PRAG1: variants seen among roughly 807,000 people sequenced by gnomAD.
The protein encoded by PRAG1 is inactive tyrosine-protein kinase PRAG1.
A neutral mutation model predicts 95.6 loss-of-function variants in PRAG1; 110 were observed. The ratio of observed to expected loss-of-function variants is 1.15; its 90% CI spans 0.99 to 1.35. PRAG1 has a LOEUF of 1.35. Ranked by LOEUF, PRAG1 falls within the 40% of genes most tolerant of loss-of-function variation. The pLI is 0.00. For missense variants in PRAG1, 2,554 were observed against 1,864.7 expected, an observed-to-expected ratio of 1.37 and a Z score of -6.81; for synonymous variants, 1,052 against 819.4, an observed-to-expected ratio of 1.28 and a Z score of -4.85.
At position 8,318,865 on chromosome 8, in the gene PRAG1, CGGGGCGGGGGCG is replaced by C. The variant is rs143409664; in HGVS notation, c.3498_3509del (p.Pro1172_Ala1175del). 7.2e-5 allele frequency: 72 copies of C among 998,968 alleles called. No homozygotes were observed. The highest frequency in any genetic ancestry group is 8.8e-5 in the Non-Finnish European group (69 of 780,910). 61.9% of individuals were successfully genotyped at this position (998,968 alleles called of 1,614,324 possible). A position where few individuals can be genotyped will look rare whatever the true frequency, so the allele number is the denominator to read the frequency against. On this transcript the variant is annotated inframe_deletion, in exon 6 of 6. Transcript: ENST00000615670. This position sits in a 1 kb window ranked among gnomAD's most constrained non-coding sequence, Gnocchi z 4.2. ...GCGCGGCGGCGGCGGGGGCGGGAGC[CGGGGCGGGGGCG>C]GGGGCGGGCCCGGGGCCGGCCTGGA...
rs1050317443 is a variant in PRAG1 at position 8,327,961 on chromosome 8, G to A, written c.2821C>T (p.Leu941Phe). Residue 941 changes from leucine (L) to phenylalanine (F), a missense_variant, in exon 5 of 6, where the codon CTC becomes TTC. Physicochemically the swap from Leu to Phe is conservative, Grantham distance 22. Transcript: ENST00000615670. ...TCCTTGCTGCTGATGTTGCTCAGGAGACCGTGCAGCTGAAGCTGGGTGCTC... is the reference window on the plus strand; with the variant it reads ...TCCTTGCTGCTGATGTTGCTCAGGAAACCGTGCAGCTGAAGCTGGGTGCTC... ...TGSTQLQLHGLLSNISSKEGT... is the reference protein window; with the variant it reads ...TGSTQLQLHGFLSNISSKEGT... 6 of 1,609,100 alleles carry A rather than the reference G, an allele frequency of 3.7e-6. No individual in the cohort carries two copies. The highest frequency in any genetic ancestry group is 5.1e-6 in the Non-Finnish European group (6 of 1,176,874).
intron 4 of PRAG1, among the ~76,000 whole-genome samples, chr8:8,331,656 C>A (rs1453074544): frequency 2.6e-5 from 4 of 152,166 alleles, no homozygotes; most frequent in African/African-American, 9.7e-5. Context: ...GCAACATAAT[C>A]GGTAACACTT....
At chr8:8,352,441 CATA>C (rs1053984568) in intron 3 of PRAG1, among the ~76,000 whole-genome samples, 14 of 152,204 alleles carry the variant, frequency 9.2e-5, no homozygotes, top group African/African-American at 2.9e-4. Context: ...ACAGTTAATT[CATA>C]CTACCTCTCA....
At chr8:8,363,502 G>C (rs1019523966) in intron 3 of PRAG1, among the ~76,000 whole-genome samples, 7 of 152,226 alleles carry the variant, frequency 4.6e-5, no homozygotes, top group Non-Finnish European at 8.8e-5. Flanking sequence ...ATTTATATGA[G>C]GTACCTAGAG....
At chr8:8,355,428 G>A (rs555280642) in intron 3 of PRAG1, among the ~76,000 whole-genome samples, 2 of 152,034 alleles carry the variant, frequency 1.3e-5, no homozygotes, top group East Asian at 3.9e-4. Flanking sequence ...AAATTCATAT[G>A]GAATGACAAA....
chr8:8,353,174 T>C (rs969117958), intron 3 of PRAG1, among the ~76,000 whole-genome samples: 1 of 152,092 alleles, frequency 6.6e-6, no homozygotes, highest in Non-Finnish European at 1.5e-5. Context: ...AGACAGAAAA[T>C]TAATAAATAC....
chr8:8,339,743 G>T, intron 3 of PRAG1, 108 bp from the exon 4 acceptor site: 2 of 1,092,446 alleles, frequency 1.8e-6, no homozygotes, highest in Non-Finnish European at 2.6e-6. Context: ...GCCAATGTCA[G>T]CAAGTTTATT....
chr8:8,352,243 G>A (rs185470952), intron 3 of PRAG1, among the ~76,000 whole-genome samples: 1 of 152,206 alleles, frequency 6.6e-6, no homozygotes, highest in East Asian at 1.9e-4. Flanking sequence ...CACCATCACA[G>A]GTTCTCTCCA....
chr8:8,346,553 T>C (rs1799348674), intron 3 of PRAG1, among the ~76,000 whole-genome samples: 2 of 152,146 alleles, frequency 1.3e-5, no homozygotes, highest in Admixed American at 1.3e-4. Context: ...CTCCATACTA[T>C]GTTGGTGGAA....
chr8:8,349,743 G>A (rs1317867904), intron 3 of PRAG1, among the ~76,000 whole-genome samples: 1 of 152,126 alleles, frequency 6.6e-6, no homozygotes, highest in African/African-American at 2.4e-5. Flanking sequence ...TAGGAAATCA[G>A]TTTCATCTTT....
intron 3 of PRAG1, among the ~76,000 whole-genome samples, chr8:8,349,954 CACACACATACCACACAA>C (rs1799466789): frequency 6.6e-6 from 1 of 151,294 alleles, no homozygotes; most frequent in Non-Finnish European, 1.5e-5. Context: ...CACACACACA[CACACACATACCACACAA>C]ACACACATAC....
chr8:8,372,064 C>A (rs895944969), intron 3 of PRAG1, among the ~76,000 whole-genome samples: 1 of 152,242 alleles, frequency 6.6e-6, no homozygotes, highest in Admixed American at 6.5e-5. Context: ...AAACGCTTAT[C>A]TGCACTAACC....
intron 5 of PRAG1, among the ~76,000 whole-genome samples, chr8:8,321,507 G>C (rs895028778): frequency 9.2e-5 from 14 of 152,194 alleles, no homozygotes; most frequent in African/African-American, 3.4e-4. Context: ...TGTCAGTGGA[G>C]ATGTGGGAGG....
At chr8:8,327,484 C>T (rs1240208600) in intron 5 of PRAG1, among the ~76,000 whole-genome samples, 3 of 152,164 alleles carry the variant, frequency 2.0e-5, no homozygotes, top group African/African-American at 4.8e-5. Context: ...GCAGGAGAAT[C>T]GCTTTAAAAT....
At chr8:8,349,582 G>A (rs979996805) in intron 3 of PRAG1, among the ~76,000 whole-genome samples, 1 of 151,906 alleles carries the variant, frequency 6.6e-6, no homozygotes, top group African/African-American at 2.4e-5. Flanking sequence ...GCGCCCGGCC[G>A]GTTTCTATTA....
At chr8:8,339,385 C>A in intron 4 of PRAG1, 93 bp downstream of exon 4, 1 of 1,377,428 alleles carries the variant, frequency 7.3e-7, no homozygotes, top group Non-Finnish European at 1.0e-6. Context: ...GACAGTAGTC[C>A]TTGCTCAGCC....
chr8:8,378,207 G>A lies in PRAG1; in HGVS notation c.331-129C>T, dbSNP rs552393671. On this transcript the variant is annotated intron_variant, in intron 2 of 5. Coordinates refer to ENST00000615670, the MANE Select transcript of PRAG1 (RefSeq NM_001080826.3). Reference sequence around the variant, plus strand: ...TCTGTAGTGCAGTGCAGGGGCGCTGGGGCCGGGGACTCAGTGCACGCCCAC... The same window carrying A: ...TCTGTAGTGCAGTGCAGGGGCGCTGAGGCCGGGGACTCAGTGCACGCCCAC... 5.4e-6 allele frequency: 6 copies of A among 1,101,458 alleles called. No individual in the cohort carries two copies. The East Asian group carries it at 1.1e-4, about 19-fold the overall frequency. 68.2% of individuals were successfully genotyped at this position (1,101,458 alleles called of 1,614,324 possible).
At chr8:8,379,369 C>T (rs1468300229) in intron 2 of PRAG1, among the ~76,000 whole-genome samples, 1 of 152,208 alleles carries the variant, frequency 6.6e-6, no homozygotes, top group Non-Finnish European at 1.5e-5. Flanking sequence ...CCTTTACCCC[C>T]ACTTTTAGAA....
At chr8:8,334,661 G>A (rs1798929458) in intron 4 of PRAG1, among the ~76,000 whole-genome samples, 1 of 149,462 alleles carries the variant, frequency 6.7e-6, no homozygotes, top group African/African-American at 2.5e-5. Flanking sequence ...TGGAAAACAG[G>A]CTCTAAGTAT....
Sources: allele counts gnomAD v4.1 joint callset (sites outside exome capture counted in the v4.1 genomes callset), GRCh38; gene constraint gnomAD v4.1.1; non-coding constraint Gnocchi (gnomAD v3.1); transcripts MANE v1.5; gene names NCBI Gene and HGNC (gene_info 2026-07-23, HGNC 2026-07-21).